Variants in TLR10 observed in about 807,000 individuals in gnomAD.
TLR10 encodes the protein toll like receptor 10, also known as toll-like receptor 10.
For missense variants in TLR10, 929 were observed against 932.9 expected, an observed-to-expected ratio of 1.00 and a Z score of 0.05; for synonymous variants, 288 against 338.8, an observed-to-expected ratio of 0.85 and a Z score of 1.65.
Position 38,773,423 on chromosome 4 carries a change from T to C in TLR10, c.2168A>G (p.Asp723Gly). 1 of 1,612,478 alleles carries C rather than the reference T, an allele frequency of 6.2e-7. No homozygotes were observed. The highest frequency in any genetic ancestry group is 8.5e-7 in the Non-Finnish European group (1 of 1,179,480). Residue 723 changes from aspartate to glycine, a missense_variant, in exon 4 of 4, where the codon GAT (aspartate) becomes GGT (glycine). Asp to Gly is a moderately conservative substitution (Grantham distance 94, BLOSUM62 -1). Transcript: ENST00000308973. Reference protein sequence around the residue: ...AHHNLFHENSDHIILILLEPI... With the variant: ...AHHNLFHENSGHIILILLEPI... ...TTCCAGTAAGATAAGAATTATATGATCAGAATTTTCATGGAAGAGATTGTG... is the reference window on the plus strand; with the variant it reads ...TTCCAGTAAGATAAGAATTATATGACCAGAATTTTCATGGAAGAGATTGTG...
At chr4:38,777,883 C>A (rs1320921268) in intron 1 of TLR10, among the ~76,000 whole-genome samples, 1 of 152,186 alleles carries the variant, frequency 6.6e-6, no homozygotes, top group East Asian at 1.9e-4. Flanking sequence ...TTGTGGAAGA[C>A]AATGTGGCGA....
chr4:38,773,682 A>G lies in TLR10; in HGVS notation c.1909T>C (p.Phe637Leu). 2 of 1,613,270 alleles carry G rather than the reference A, an allele frequency of 1.2e-6. No homozygotes were observed. The highest frequency in any genetic ancestry group is 1.1e-5 in the South Asian group (1 of 90,874). Reference sequence around the variant, plus strand: ...GAATCATGTTCACTGTATGAAATAAATGCGTGGAATCGGACATTTCTCTTG... The same window carrying G: ...GAATCATGTTCACTGTATGAAATAAGTGCGTGGAATCGGACATTTCTCTTG... ...QLKRNVRFHA[F>L]ISYSEHDSLW... Residue 637 changes from phenylalanine (F) to leucine (L), a missense_variant, in exon 4 of 4, where the codon TTT becomes CTT. By Grantham distance (22) the Phe-to-Leu change is conservative. Transcript: ENST00000308973.
rs1725161052 is a variant in TLR10, at chr4:38,777,979, A to G, written c.-568-1553T>C. Among the ~76,000 whole-genome samples the G allele has an allele frequency of 2.0e-5, 3 of 152,220 alleles. No homozygotes were observed. In the South Asian group the frequency reaches 6.2e-4, roughly 31 times the overall value. The stretch of plus-strand genomic sequence containing the variant: ...TATCCAAAGGATTATAAATCATTCT[A>G]CTATAAAGATACATGCACACACGTG... On this transcript the variant is annotated intron_variant, in intron 1 of 3. Transcript: ENST00000308973.
At position 38,776,329 on chromosome 4, in the gene TLR10, G is replaced by A. The variant is rs527725267; in HGVS notation, c.-471C>T. 3 of 207,254 alleles carry A rather than the reference G, an allele frequency of 1.4e-5. No individual in the cohort carries two copies. Among genetic ancestry groups the A allele is most frequent in the East Asian group, 1.3e-4 (1 of 7,916 alleles). 12.8% of individuals were successfully genotyped at this position (207,254 alleles called of 1,614,324 possible). Reference sequence around the variant, plus strand: ...AGATCTAAATGTCTGAAACCTGCCAGTGAATACCAAGCCACAATCTTCAGT... The same window carrying A: ...AGATCTAAATGTCTGAAACCTGCCAATGAATACCAAGCCACAATCTTCAGT... On this transcript the variant is annotated 5_prime_UTR_variant, in exon 2 of 4. Coordinates refer to ENST00000308973, the MANE Select transcript of TLR10 (RefSeq NM_030956.4).
At chr4:38,778,371 T>C (rs1030819484) in intron 1 of TLR10, among the ~76,000 whole-genome samples, 5 of 152,094 alleles carry the variant, frequency 3.3e-5, no homozygotes, top group South Asian at 2.1e-4. Flanking sequence ...CCATGGCATG[T>C]GTATACCTAT....
intron 1 of TLR10, among the ~76,000 whole-genome samples, chr4:38,779,396 G>T (rs1725257985): frequency 6.6e-6 from 1 of 152,110 alleles, no homozygotes. Flanking sequence ...GCCTCCGGCC[G>T]TATTTTTCTT....
Position 38,773,365 on chromosome 4 carries a change from A to G in TLR10, c.2226T>C (p.Tyr742=), listed in dbSNP as rs146430544. The G allele has an allele frequency of 2.6e-4, 422 of 1,614,086 alleles. No homozygotes were observed. The African/African-American group carries it at 4.8e-3, about 18-fold the overall frequency. Residue 742 remains tyrosine, a synonymous_variant, in exon 4 of 4, where the codon TAT becomes TAC. Coordinates refer to ENST00000308973, the MANE Select transcript of TLR10 (RefSeq NM_030956.4). Reference sequence around the variant, plus strand: ...TTTCCAGGAGAGCTTTCAGTTTATGATACCTGGTGGGAATGCAATAGAATG... The same window carrying G: ...TTTCCAGGAGAGCTTTCAGTTTATGGTACCTGGTGGGAATGCAATAGAATG... ...PIPFYCIPTR[Y]HKLKALLEKK...
Position 38,775,302 on chromosome 4 carries a change from C to T in TLR10, c.289G>A (p.Glu97Lys). The T allele has an allele frequency of 1.9e-6, 3 of 1,614,046 alleles. No homozygotes were observed. Among genetic ancestry groups the T allele is most frequent in the Non-Finnish European group, 2.5e-6 (3 of 1,180,006 alleles). ...LDLKTFEFNK[E>K]LRYLDLSNNR... ...TTAGACAAATCTAAATATCTTAACT[C>T]CTTGTTGAATTCAAAGGTTTTGAGA... Residue 97 changes from glutamate to lysine, a missense_variant, in exon 4 of 4, where the codon GAG becomes AAG. By Grantham distance (56) the Glu-to-Lys change is moderately conservative (BLOSUM62 1). Transcript: ENST00000308973.
Position 38,774,639 on chromosome 4 carries a change from T to C in TLR10, c.952A>G (p.Lys318Glu). The C allele has an allele frequency of 6.3e-7, 1 of 1,575,386 alleles. No individual in the cohort carries two copies. ...ATTTTGGTCAAAAGCAAATAGATTT[T>C]ATCCTGTTGAATGTAAAACACTCTG... ...HFRVFYIQQD[K>E]IYLLLTKMDI... The change falls in exon 4 of 4, where the codon AAA becomes GAA. Residue 318 changes from lysine (K) to glutamate (E), a missense_variant. Transcript: ENST00000308973.
chr4:38,775,418 T>C lies in TLR10; in HGVS notation c.173A>G (p.Asn58Ser). Residue 58 changes from asparagine (N) to serine (S), a missense_variant, in exon 4 of 4, where the codon AAC becomes AGC. Asn to Ser is a conservative substitution (Grantham distance 46). Coordinates refer to ENST00000308973, the MANE Select transcript of TLR10 (RefSeq NM_030956.4). ...TGAACTCTGGAGTTGAAAAAGGAGG[T>C]TATAGGATAAATCCAGTGTCGTTGT... ...PATTTLDLSY[N>S]LLFQLQSSDF... is the part of the protein sequence containing the mutation. 1 of 1,614,026 alleles carries C rather than the reference T, an allele frequency of 6.2e-7. No homozygotes were observed.
chr4:38,774,488 G>C lies in TLR10; in HGVS notation c.1103C>G (p.Thr368Ser). The C allele has an allele frequency of 6.3e-7, 1 of 1,593,192 alleles. No individual in the cohort carries two copies. The highest frequency in any genetic ancestry group is 8.5e-7 in the Non-Finnish European group (1 of 1,173,650). Residue 368 changes from threonine to serine, a missense_variant, in exon 4 of 4, where the codon ACT (threonine) becomes AGT (serine). Coordinates refer to ENST00000308973, the MANE Select transcript of TLR10 (RefSeq NM_030956.4). The part of the protein sequence containing the change: ...NILTDELFKR[T>S]IQLPHLKTLI... ...AGTTTTCAAGTGAGGCAGTTGGATA[G>C]TTCTTTTAAACAACTCGTCTGTTAA...
At position 38,774,747 on chromosome 4, in the gene TLR10, CA is replaced by C; in HGVS notation, c.843del (p.Phe281LeufsTer18). ...VEHFQIRNVT[F>X]GGKAYLDHNS... ...TTGTGGTCAAGATAAGCCTTACCAC[CA>C]AAAGTCACATTTCGGATCTGAAAGT... On this transcript the variant is annotated frameshift_variant, in exon 4 of 4. Coordinates refer to ENST00000308973, the MANE Select transcript of TLR10 (RefSeq NM_030956.4). LOFTEE classifies it low-confidence loss of function (END_TRUNC). 1.3e-6 allele frequency: 2 copies of C among 1,599,124 alleles called. No individual in the cohort carries two copies. The highest frequency in any genetic ancestry group is 2.2e-5 in the East Asian group (1 of 44,772).
At position 38,774,461 on chromosome 4, in the gene TLR10, A is replaced by G; in HGVS notation, c.1130T>C (p.Leu377Pro). Residue 377 changes from leucine (L) to proline (P), a missense_variant, in exon 4 of 4, where the codon CTC (leucine) becomes CCC (proline). Leu to Pro is a moderately conservative substitution (Grantham distance 98). Transcript: ENST00000308973. ...RTIQLPHLKTLILNGNKLETL... is the reference protein window; with the variant it reads ...RTIQLPHLKTPILNGNKLETL... Reference sequence around the variant, plus strand: ...CTCCAGTTTATTGCCATTCAAAATGAGAGTTTTCAAGTGAGGCAGTTGGAT... The same window carrying G: ...CTCCAGTTTATTGCCATTCAAAATGGGAGTTTTCAAGTGAGGCAGTTGGAT... The G allele has an allele frequency of 6.2e-7, 1 of 1,608,912 alleles. No homozygotes were observed. Among genetic ancestry groups the G allele is most frequent in the Non-Finnish European group, 8.5e-7 (1 of 1,178,558 alleles).
intron 1 of TLR10, among the ~76,000 whole-genome samples, chr4:38,776,649 G>A (rs1413340704): frequency 6.6e-6 from 1 of 152,200 alleles, no homozygotes; most frequent in Non-Finnish European, 1.5e-5. Context: ...AACAGAGGTA[G>A]TTGGAGTACT....
chr4:38,773,057 T>C lies in TLR10; in HGVS notation c.*98A>G, dbSNP rs1724731339. The C allele has an allele frequency of 8.3e-7, 1 of 1,209,048 alleles. No individual in the cohort carries two copies. The highest frequency in any genetic ancestry group is 1.6e-5 in the African/African-American group (1 of 63,888). The allele number at this position is 1,209,048 out of a possible 1,614,324, so 74.9% of individuals were successfully genotyped here. A position where few individuals can be genotyped will look rare whatever the true frequency, so the allele number is the denominator to read the frequency against. ...TGATATGAAGGGAATAACCATTTTT[T>C]ATTTTAATAAATATTGTCAAATTGC... is the stretch of plus-strand genomic sequence containing the variant. On this transcript the variant is annotated 3_prime_UTR_variant, in exon 4 of 4. Coordinates refer to ENST00000308973, the MANE Select transcript of TLR10 (RefSeq NM_030956.4).
chr4:38,774,383 T>C lies in TLR10; in HGVS notation c.1208A>G (p.Asp403Gly). Residue 403 changes from aspartate to glycine, a missense_variant, in exon 4 of 4, where the codon GAT (aspartate) becomes GGT (glycine). Physicochemically the swap from Asp to Gly is moderately conservative, Grantham distance 94. Transcript: ENST00000308973. ...FANNTPLEHL[D>G]LSQNLLQHKN... is the part of the protein sequence containing the mutation. ...ATGTTGTAATAGATTTTGACTCAGA[T>C]CCAAGTGTTCCAAGGGTGTGTTGTT... is the stretch of plus-strand genomic sequence containing the variant. The C allele has an allele frequency of 6.2e-7, 1 of 1,613,268 alleles. No individual in the cohort carries two copies. The highest frequency in any genetic ancestry group is 8.5e-7 in the Non-Finnish European group (1 of 1,179,766).
rs779558458 is a variant in TLR10, at chr4:38,775,556, C to T, written c.35G>A (p.Ser12Asn). The change falls in exon 4 of 4, where the codon AGT (serine) becomes AAT (asparagine). Residue 12 changes from serine to asparagine, a missense_variant. Coordinates refer to ENST00000308973, the MANE Select transcript of TLR10 (RefSeq NM_030956.4). ...ATCACCCTCTGCTGTCATAACAATACTACAAAATATGTAAATGTTTCTGAT... is the reference window on the plus strand; with the variant it reads ...ATCACCCTCTGCTGTCATAACAATATTACAAAATATGTAAATGTTTCTGAT... ...RLIRNIYIFC[S>N]IVMTAEGDAP... The T allele has an allele frequency of 6.2e-7, 1 of 1,611,234 alleles. No homozygotes were observed.
In TLR10 at chr4:38,774,969, G is replaced by T. The variant is rs376747590; in HGVS notation, c.622C>A (p.Arg208Ser). 2.5e-6 allele frequency: 4 copies of T among 1,613,210 alleles called. No homozygotes were observed. The highest frequency in any genetic ancestry group is 2.5e-6 in the Non-Finnish European group (3 of 1,179,788). ...ATTTTTGAAGTCTTGATTCCATCAC[G>T]CAAAAGAACCCAGAAATTTGTGTCC... ...PMDTNFWVLLRDGIKTSKILE... is the reference protein window; with the variant it reads ...PMDTNFWVLLSDGIKTSKILE... Residue 208 changes from arginine to serine, a missense_variant, in exon 4 of 4, where the codon CGT (arginine) becomes AGT (serine). By Grantham distance (110) the Arg-to-Ser change is moderately radical (BLOSUM62 -1). Transcript: ENST00000308973.
rs568190607 is a variant in TLR10, at chr4:38,774,140, C to T, written c.1451G>A (p.Cys484Tyr). The change falls in exon 4 of 4, where the codon TGC becomes TAC. Residue 484 changes from cysteine to tyrosine, a missense_variant. Cys to Tyr is a radical substitution (Grantham distance 194). Transcript: ENST00000308973. ...AACTGAAAGTCTACTGAAATGACTG[C>T]ATCCAGGGAGATCAGTTAGAAAATT... is the stretch of plus-strand genomic sequence containing the variant. ...AFNFLTDLPG[C>Y]SHFSRLSVLN... 12 of 1,610,700 alleles carry T rather than the reference C, an allele frequency of 7.5e-6. No homozygotes were observed. The South Asian group carries it at 1.2e-4, about 16-fold the overall frequency.
Sources: gnomAD v4.1 joint callset for allele counts (sites outside exome capture counted in the v4.1 genomes callset) on GRCh38, gnomAD v4.1.1 for gene constraint, MANE v1.5 for transcripts, NCBI Gene and HGNC (gene_info 2026-07-23, HGNC 2026-07-21) for gene names.